The following SOX6 variants were observed in gnomAD, a reference collection of about 807,000 sequenced individuals.
The protein encoded by SOX6 is SRY-box transcription factor 6.
Under a neutral mutation model 97.8 loss-of-function variants are expected in SOX6, and 11 were observed. The ratio of observed to expected loss-of-function variants is 0.11; its 90% CI spans 0.07 to 0.19. SOX6 has a LOEUF of 0.19. Among genes scored for constraint, SOX6 ranks in the 10% least tolerant of loss-of-function variants. The pLI, the probability that SOX6 is intolerant of heterozygous loss-of-function variation, is 1.00. For missense variants in SOX6, 810 were observed against 1,039.5 expected (o/e 0.78, Z 3.04); for synonymous variants, 360 against 371.4 (o/e 0.97, Z 0.35).
intron 13 of SOX6, among the ~76,000 whole-genome samples, chr11:16,004,162 C>G (rs1854485217): frequency 6.6e-6 from 1 of 151,906 alleles, no homozygotes; most frequent in Non-Finnish European, 1.5e-5. Flanking sequence ...TTAGAGAACT[C>G]TAACAGGAGA....
At chr11:16,007,908 T>A (rs904850882) in intron 13 of SOX6, among the ~76,000 whole-genome samples, 1 of 152,120 alleles carries the variant, frequency 6.6e-6, no homozygotes, top group Non-Finnish European at 1.5e-5. Flanking sequence ...TTGGGTTTAA[T>A]TTTCATGGTA....
chr11:16,428,069 T>C (rs1859188236), intron 1 of SOX6, among the ~76,000 whole-genome samples: 1 of 152,264 alleles, frequency 6.6e-6, no homozygotes, highest in Admixed American at 6.5e-5. Context: ...TATGCATTTC[T>C]CTGACGGCCA....
chr11:16,275,285 CA>C (rs869208945), intron 3 of SOX6, among the ~76,000 whole-genome samples: 49,280 of 122,732 alleles, frequency 0.4, 9,130 homozygotes, highest in East Asian at 0.45. Flanking sequence ...ACCAAAAATA[CA>C]AAAAAAAAAA....
At chr11:16,682,279 C>A (rs905865723) in intron 3 of SOX6, among the ~76,000 whole-genome samples, 1 of 152,298 alleles carries the variant, frequency 6.6e-6, no homozygotes, top group African/African-American at 2.4e-5. Context: ...GAGATTGCAC[C>A]ACTGCACTCT....
At chr11:16,280,579 G>A (rs914354260) in intron 3 of SOX6, among the ~76,000 whole-genome samples, 4 of 152,152 alleles carry the variant, frequency 2.6e-5, no homozygotes, top group Middle Eastern at 3.4e-3. Flanking sequence ...CCTCTACAAA[G>A]AGAACAAGCT....
In SOX6 at chr11:16,713,763, A is replaced by G. The variant is rs78658868; in HGVS notation, n.429+1067T>C. On this transcript the variant is annotated intron_variant and non_coding_transcript_variant, in intron 3 of 5. Transcript: ENST00000524520. ...ATGTATCAATTTACTCAATCCATGAAGCAATGTCACAACTACACTTCCCCA... is the reference window on the plus strand; with the variant it reads ...ATGTATCAATTTACTCAATCCATGAGGCAATGTCACAACTACACTTCCCCA... Among the ~76,000 whole-genome samples, 722 of 152,300 alleles carry G rather than the reference A, an allele frequency of 4.7e-3. 11 individuals carry two copies. Among genetic ancestry groups the G allele is most frequent in the African/African-American group, 0.017 (693 of 41,564 alleles).
chr11:16,583,622 T>TATATATACACACACACAC (rs1848058253), intron 4 of SOX6, among the ~76,000 whole-genome samples: 3 of 116,578 alleles, frequency 2.6e-5, no homozygotes, highest in Non-Finnish European at 4.0e-5. Flanking sequence ...TACATATATA[T>TATATATACACACACACAC]ATATATATAT....
chr11:16,022,619 G>A (rs973151222), intron 12 of SOX6, among the ~76,000 whole-genome samples: 1 of 151,950 alleles, frequency 6.6e-6, no homozygotes, highest in African/African-American at 2.4e-5. Context: ...CACCATGTTG[G>A]CCAGGCTGGT....
chr11:16,487,076 G>A (rs1015391949), intron 4 of SOX6, among the ~76,000 whole-genome samples: 2 of 151,806 alleles, frequency 1.3e-5, no homozygotes, highest in Admixed American at 1.3e-4. Context: ...GCTAAATGTG[G>A]GCATGCTCAC....
intron 1 of SOX6, among the ~76,000 whole-genome samples, chr11:16,445,571 T>G (rs778947378): frequency 5.3e-5 from 8 of 152,202 alleles, no homozygotes; most frequent in Non-Finnish European, 1.2e-4. Flanking sequence ...CACTGTATCA[T>G]CACTGAAAGA....
chr11:16,330,770 T>C (rs1249734526), intron 2 of SOX6, among the ~76,000 whole-genome samples: 1 of 152,170 alleles, frequency 6.6e-6, no homozygotes, highest in Non-Finnish European at 1.5e-5. Flanking sequence ...TTAGTCATTG[T>C]AGTTCAAATC....
chr11:16,226,488 G>A (rs560674627), intron 4 of SOX6, among the ~76,000 whole-genome samples: 44 of 152,216 alleles, frequency 2.9e-4, no homozygotes, highest in Admixed American at 7.9e-4. Flanking sequence ...ACAGCACAGA[G>A]GAGCATGTGT....
chr11:16,049,502 C>T (rs1229308505), intron 11 of SOX6, among the ~76,000 whole-genome samples: 1 of 152,054 alleles, frequency 6.6e-6, no homozygotes, highest in Non-Finnish European at 1.5e-5. Flanking sequence ...TATAGAAGTT[C>T]CTAAGTCTAT....
chr11:16,692,056 C>CGTGTGTGTGTGTGTGT lies in SOX6; in HGVS notation n.429+22758_429+22773dup, dbSNP rs755479047. Among the ~76,000 whole-genome samples the CGTGTGTGTGTGTGTGT allele has an allele frequency of 5.5e-5, 8 of 144,380 alleles. No homozygotes were observed. The East Asian group carries it at 6.3e-4, about 11-fold the overall frequency. 94.7% of individuals were successfully genotyped at this position (144,380 alleles called of 152,430 possible). A position where few individuals can be genotyped will look rare whatever the true frequency, so the allele number is the denominator to read the frequency against. ...TCACTGAAGTTTTGATTTGCGTGTG[C>CGTGTGTGTGTGTGTGT]GTGTGTGTGTGTGTGTGTGTGTGTG... is the stretch of plus-strand genomic sequence containing the variant. On this transcript the variant is annotated intron_variant and non_coding_transcript_variant, in intron 3 of 5. Transcript: ENST00000524520.
At chr11:16,654,293 CA>C (rs1847694331) in intron 3 of SOX6, among the ~76,000 whole-genome samples, 1 of 152,106 alleles carries the variant, frequency 6.6e-6, no homozygotes, top group African/African-American at 2.4e-5. Flanking sequence ...CTGAGCCTCC[CA>C]AGTAGCTAGG....
intron 9 of SOX6, among the ~76,000 whole-genome samples, chr11:16,094,853 G>A (rs1848760950): frequency 1.3e-5 from 2 of 151,900 alleles, no homozygotes; most frequent in African/African-American, 4.8e-5. Flanking sequence ...GAGGGAGGCA[G>A]TTAACAAGCT....
chr11:16,177,842 T>C (rs1293945103), intron 6 of SOX6, among the ~76,000 whole-genome samples: 3 of 151,912 alleles, frequency 2.0e-5, no homozygotes, highest in African/African-American at 4.8e-5. Context: ...TGCACCTCAC[T>C]CTGCCTCTGA....
chr11:16,547,153 C>T (rs991049999), intron 4 of SOX6, among the ~76,000 whole-genome samples: 3 of 152,140 alleles, frequency 2.0e-5, no homozygotes, highest in Admixed American at 6.5e-5. Context: ...AACTCTTATA[C>T]ACTCTTAGTG....
intron 15 of SOX6, among the ~76,000 whole-genome samples, chr11:15,973,871 T>C (rs1425836222): frequency 6.6e-6 from 1 of 152,146 alleles, no homozygotes; most frequent in Non-Finnish European, 1.5e-5. Context: ...CACCAGTTCA[T>C]TCCTCCATAA....
Sources: gnomAD v4.1 joint callset for allele counts (sites outside exome capture counted in the v4.1 genomes callset) on GRCh38, gnomAD v4.1.1 for gene constraint, MANE v1.5 for transcripts, NCBI Gene and HGNC (gene_info 2026-07-23, HGNC 2026-07-21) for gene names.